FAIM2: variants seen among roughly 807,000 people sequenced by gnomAD.
The protein encoded by FAIM2 is protein lifeguard 2.
A neutral mutation model predicts 47.4 loss-of-function variants in FAIM2; 27 were observed. That is an observed-to-expected ratio of 0.57 (90% CI 0.42 to 0.78). FAIM2 has a LOEUF of 0.78. FAIM2 is among the 30% of genes least tolerant of loss of function. FAIM2 has a pLI of 0.00. For missense variants in FAIM2, 311 were observed against 389.4 expected, an observed-to-expected ratio of 0.80 and a Z score of 1.69; for synonymous variants, 156 against 159.3, an observed-to-expected ratio of 0.98 and a Z score of 0.16.
intron 5 of FAIM2, among the ~76,000 whole-genome samples, chr12:49,892,790 G>A (rs1265787441): frequency 6.6e-6 from 1 of 152,052 alleles, no homozygotes; most frequent in African/African-American, 2.4e-5. Context: ...CCCTAGACTC[G>A]AATTTCCAAC....
At chr12:49,879,390 G>A (rs573233697) in intron 11 of FAIM2, among the ~76,000 whole-genome samples, 1 of 151,662 alleles carries the variant, frequency 6.6e-6, no homozygotes, top group Non-Finnish European at 1.5e-5. Flanking sequence ...GTGTATGTGG[G>A]TATGTGTCCA....
intron 11 of FAIM2, among the ~76,000 whole-genome samples, chr12:49,878,016 ATGTG>A (rs959843924): frequency 1.1e-4 from 16 of 141,832 alleles, no homozygotes; most frequent in Non-Finnish European, 2.2e-4. Context: ...GCATGTGTGT[ATGTG>A]TGAGTGTGGG....
At chr12:49,885,300 C>T (rs1946853515) in intron 11 of FAIM2, among the ~76,000 whole-genome samples, 2 of 152,216 alleles carry the variant, frequency 1.3e-5, no homozygotes, top group Non-Finnish European at 2.9e-5. Context: ...ACTCCCCGGC[C>T]GGCCCCCCAT....
chr12:49,888,070 C>T (rs1347267290), intron 10 of FAIM2, among the ~76,000 whole-genome samples: 1 of 152,146 alleles, frequency 6.6e-6, no homozygotes, highest in African/African-American at 2.4e-5. Context: ...GCACTAGGGC[C>T]CTCCATGGGG....
At chr12:49,896,942 C>T in intron 5 of FAIM2, 89 bp downstream of exon 5, 1 of 1,072,886 alleles carries the variant, frequency 9.3e-7, no homozygotes, top group South Asian at 1.3e-5. Flanking sequence ...AAGCTACGGG[C>T]TCAGATTAGG....
intron 10 of FAIM2, among the ~76,000 whole-genome samples, chr12:49,888,433 C>T (rs544014496): frequency 6.6e-6 from 1 of 152,254 alleles, no homozygotes; most frequent in South Asian, 2.1e-4. Context: ...GGGGTATAAG[C>T]ACTGGGCCCC....
chr12:49,879,985 T>C (rs896529756), intron 11 of FAIM2, among the ~76,000 whole-genome samples: 2 of 151,726 alleles, frequency 1.3e-5, no homozygotes, highest in Non-Finnish European at 2.9e-5. Context: ...TATGTGAGTG[T>C]ATGTGCATGT....
chr12:49,900,007 G>T, intron 2 of FAIM2: 1 of 275,604 alleles, frequency 3.6e-6, no homozygotes, highest in Admixed American at 4.2e-5. Flanking sequence ...GAAGACCCTT[G>T]CCCTCTTGTC....
rs999898562 is a variant in FAIM2 at position 49,874,277 on chromosome 12, C to T, written c.802-3624G>A. Among the ~76,000 whole-genome samples the T allele has an allele frequency of 3.9e-5, 6 of 152,192 alleles. No homozygotes were observed. Among genetic ancestry groups the T allele is most frequent in the Admixed American group, 1.3e-4 (2 of 15,274 alleles). ...TCTGAAGAGTCCTTCCCCAGACCAA[C>T]ACTTGATCTCATCTCCCTCTCCCCA... On this transcript the variant is annotated intron_variant, in intron 11 of 11. Coordinates refer to ENST00000320634, the MANE Select transcript of FAIM2 (RefSeq NM_012306.4). The surrounding 1 kb of genome is among the most constrained non-coding windows in gnomAD (Gnocchi z 4.2).
rs773220202 is a variant in FAIM2 at position 49,901,130 on chromosome 12, T to C, written c.211A>G (p.Ser71Gly). The C allele has an allele frequency of 3.2e-6, 5 of 1,581,138 alleles. 1 individual carries two copies. The South Asian group carries it at 5.8e-5, about 18-fold the overall frequency. ...AGGTTCCAGGAGCTGAAAGACTTAC[T>C]GGGGTCCACATAGGCCCAGCTAGGG... Reference protein sequence around the residue: ...LHPSWAYVDPSSSSSYDNGFP... With the variant: ...LHPSWAYVDPGSSSSYDNGFP... The change falls in exon 2 of 12, where the codon AGC becomes GGC. Residue 71 changes from serine to glycine, a missense_variant and splice_region_variant. Ser to Gly is a moderately conservative substitution (Grantham distance 56). Transcript: ENST00000320634.
intron 10 of FAIM2, among the ~76,000 whole-genome samples, chr12:49,887,746 C>T (rs1448698761): frequency 6.9e-6 from 1 of 145,894 alleles, no homozygotes; most frequent in African/African-American, 2.5e-5. Flanking sequence ...CCTGTCCTCC[C>T]TCTAGCCTGG....
intron 11 of FAIM2, among the ~76,000 whole-genome samples, chr12:49,871,670 T>TTTTC (rs1946704101): frequency 2.6e-5 from 2 of 76,388 alleles, no homozygotes; most frequent in African/African-American, 1.3e-4. Flanking sequence ...TTTTCTTTTC[T>TTTTC]TTTTTTTTTT....
At chr12:49,872,244 A>C (rs574037565) in intron 11 of FAIM2, among the ~76,000 whole-genome samples, 1 of 152,182 alleles carries the variant, frequency 6.6e-6, no homozygotes, top group Non-Finnish European at 1.5e-5. Flanking sequence ...TGAAGGAAGG[A>C]GCTACTAATT....
chr12:49,872,455 CT>C lies in FAIM2; in HGVS notation c.802-1803del, dbSNP rs545919524. Among the ~76,000 whole-genome samples, 5 of 152,336 alleles carry C rather than the reference CT, an allele frequency of 3.3e-5. No homozygotes were observed. In the South Asian group the frequency reaches 1.0e-3, roughly 32 times the overall value. On this transcript the variant is annotated intron_variant, in intron 11 of 11. Coordinates refer to ENST00000320634, the MANE Select transcript of FAIM2 (RefSeq NM_012306.4). Reference sequence around the variant, plus strand: ...GCTTGCCCTTGCAGCTTGCACTCTGCTTGGTAGACAGGGGTCATGCCCAGTT... The same window carrying C: ...GCTTGCCCTTGCAGCTTGCACTCTGCTGGTAGACAGGGGTCATGCCCAGTT...
chr12:49,878,687 TGA>T lies in FAIM2; in HGVS notation c.802-8036_802-8035del, dbSNP rs1173323357. On this transcript the variant is annotated intron_variant, in intron 11 of 11. Transcript: ENST00000320634. ...GTGCATGTGTGTATGTGTGTATATG[TGA>T]GTGTATGTGCATGTGTGCATATATG... is the stretch of plus-strand genomic sequence containing the variant. Among the ~76,000 whole-genome samples, 6 of 128,246 alleles carry T rather than the reference TGA, an allele frequency of 4.7e-5. 1 individual carries two copies. The highest frequency in any genetic ancestry group is 7.9e-5 in the Non-Finnish European group (5 of 63,362). 84.1% of individuals were successfully genotyped at this position (128,246 alleles called of 152,430 possible).
At chr12:49,880,308 G>A (rs994820645) in intron 11 of FAIM2, among the ~76,000 whole-genome samples, 1 of 147,226 alleles carries the variant, frequency 6.8e-6, no homozygotes, top group Non-Finnish European at 1.5e-5. Context: ...GTATGTGCAT[G>A]TGTGTATGTG....
chr12:49,889,992 A>T, intron 8 of FAIM2, 125 bp downstream of exon 8: 1 of 923,994 alleles, frequency 1.1e-6, no homozygotes, highest in Non-Finnish European at 1.7e-6. Flanking sequence ...AGCCTCCTGC[A>T]TGCCTGAGCC....
At position 49,903,841 on chromosome 12, in the gene FAIM2, G is replaced by C. The variant is rs1275228182; in HGVS notation, c.-49C>G. The C allele has an allele frequency of 2.6e-6, 4 of 1,510,062 alleles. No homozygotes were observed. 93.5% of individuals were successfully genotyped at this position (1,510,062 alleles called of 1,614,324 possible). The stretch of plus-strand genomic sequence containing the variant: ...TCCCTGAGGCCCGGGTGGCCGCTTG[G>C]GTAACCGCAGCCTGCCTGCGTCTCT... On this transcript the variant is annotated 5_prime_UTR_variant, in exon 1 of 12. Transcript: ENST00000320634.
chr12:49,898,394 C>CAG (rs2137106924), intron 2 of FAIM2, among the ~76,000 whole-genome samples: 1 of 152,396 alleles, frequency 6.6e-6, no homozygotes, highest in Admixed American at 6.5e-5. Context: ...GTGAATCTCC[C>CAG]ATCTTCTTCC....
Sources: allele counts gnomAD v4.1 joint callset (sites outside exome capture counted in the v4.1 genomes callset), GRCh38; gene constraint gnomAD v4.1.1; non-coding constraint Gnocchi (gnomAD v3.1); transcripts MANE v1.5; gene names NCBI Gene and HGNC (gene_info 2026-07-23, HGNC 2026-07-21).